SGMS1: variants seen among roughly 807,000 people sequenced by gnomAD.
SGMS1 encodes the protein sphingomyelin synthase 1.
Under a neutral mutation model 46.2 loss-of-function variants are expected in SGMS1, and 13 were observed. The observed-to-expected ratio is 0.28, with a 90% CI of 0.18 to 0.45. The LOEUF is 0.45. Among genes scored for constraint, SGMS1 ranks in the 20% least tolerant of loss-of-function variants. The pLI is 1.00. For missense variants in SGMS1, 324 were observed against 519.9 expected (o/e 0.62, Z 3.66); for synonymous variants, 203 against 187.8 (o/e 1.08, Z -0.66).
chr10:50,334,887 T>C (rs1436214), intron 7 of SGMS1: 34,605 of 152,158 alleles, frequency 0.23, 4,682 homozygotes, highest in East Asian at 0.63. Context: ...GAGGTTAGAA[T>C]TGGGGGCTAA....
chr10:50,562,772 C>T (rs1326182015), intron 2 of SGMS1, among the ~76,000 whole-genome samples: 1 of 152,138 alleles, frequency 6.6e-6, no homozygotes, highest in Non-Finnish European at 1.5e-5. Flanking sequence ...TCTTGATCTC[C>T]TGACCTCGTG....
intron 2 of SGMS1, among the ~76,000 whole-genome samples, chr10:50,583,667 C>T (rs916791335): frequency 3.9e-5 from 6 of 152,208 alleles, no homozygotes; most frequent in Non-Finnish European, 7.3e-5. Context: ...AGTCTAGCCC[C>T]TCCTGAAGGC....
intron 6 of SGMS1, among the ~76,000 whole-genome samples, chr10:50,378,619 T>C (rs1161206772): frequency 1.3e-5 from 2 of 152,168 alleles, no homozygotes; most frequent in African/African-American, 4.8e-5. Flanking sequence ...CCCAAACTCA[T>C]ATATATATAG....
rs191581475 is a variant in SGMS1 at position 50,466,447 on chromosome 10, C to A, written c.-455+443G>T. Among the ~76,000 whole-genome samples, 143 of 152,250 alleles carry A rather than the reference C, an allele frequency of 9.4e-4. 1 individual carries two copies. Among genetic ancestry groups the A allele is most frequent in the African/African-American group, 3.4e-3 (140 of 41,560 alleles). Reference sequence around the variant, plus strand: ...AGAATGAAAACAGCAACTGTCCTAACATTATGCAAATGATTACTTGTGGCT... The same window carrying A: ...AGAATGAAAACAGCAACTGTCCTAAAATTATGCAAATGATTACTTGTGGCT... On this transcript the variant is annotated intron_variant, in intron 4 of 10. Coordinates refer to ENST00000361781, the MANE Select transcript of SGMS1 (RefSeq NM_147156.4).
rs542383178 is a variant in SGMS1 at position 50,458,522 on chromosome 10, AT to A, written c.-313+2150del. Among the ~76,000 whole-genome samples the A allele has an allele frequency of 6.1e-3, 896 of 146,936 alleles. 10 individuals carry two copies. The highest frequency in any genetic ancestry group is 0.021 in the African/African-American group (846 of 40,084). On this transcript the variant is annotated intron_variant, in intron 5 of 10. Coordinates refer to ENST00000361781, the MANE Select transcript of SGMS1 (RefSeq NM_147156.4). ...AGGCGCCTGCCACCATGACCGGCTA[AT>A]TTTTTTTTTGTATTTTTAGTAGAGA...
intron 2 of SGMS1, among the ~76,000 whole-genome samples, chr10:50,561,589 G>T (rs911480249): frequency 6.6e-6 from 1 of 152,126 alleles, no homozygotes; most frequent in African/African-American, 2.4e-5. Flanking sequence ...TATAAATACT[G>T]AAAGATTTAA....
At chr10:50,405,917 C>CT (rs1849008082) in intron 6 of SGMS1, among the ~76,000 whole-genome samples, 1 of 152,114 alleles carries the variant, frequency 6.6e-6, no homozygotes, top group African/African-American at 2.4e-5. Flanking sequence ...CAAAAGTCCC[C>CT]TAGTGATGTC....
At chr10:50,356,622 T>G (rs912767807) in intron 6 of SGMS1, among the ~76,000 whole-genome samples, 1 of 151,504 alleles carries the variant, frequency 6.6e-6, no homozygotes, top group Non-Finnish European at 1.5e-5. Flanking sequence ...TAAAGCTGTT[T>G]TAAAAATTAT....
At chr10:50,350,308 G>A (rs1847986327) in intron 6 of SGMS1, among the ~76,000 whole-genome samples, 1 of 152,170 alleles carries the variant, frequency 6.6e-6, no homozygotes, top group African/African-American at 2.4e-5. Context: ...TGCTGTTAAA[G>A]GCATTCAGTT....
intron 6 of SGMS1, among the ~76,000 whole-genome samples, chr10:50,411,957 T>C (rs533534558): frequency 6.6e-6 from 1 of 152,332 alleles, no homozygotes; most frequent in Admixed American, 6.5e-5. Context: ...CAGGGCTTAG[T>C]CTATGTTAGT....
At chr10:50,498,236 C>T (rs1327710120) in intron 3 of SGMS1, among the ~76,000 whole-genome samples, 1 of 152,172 alleles carries the variant, frequency 6.6e-6, no homozygotes, top group Admixed American at 6.5e-5. Flanking sequence ...GATAAAATCT[C>T]TTTTATCATT....
At chr10:50,434,438 T>G (rs1849447118) in intron 5 of SGMS1, among the ~76,000 whole-genome samples, 1 of 152,148 alleles carries the variant, frequency 6.6e-6, no homozygotes, top group Non-Finnish European at 1.5e-5. Context: ...AATTCTGAGA[T>G]GAGATTAATA....
intron 3 of SGMS1, among the ~76,000 whole-genome samples, chr10:50,508,656 C>A (rs1054565623): frequency 4.6e-5 from 7 of 152,110 alleles, no homozygotes; most frequent in Admixed American, 6.6e-5. Context: ...TTGGAAAGAA[C>A]CTCTTTGGGG....
chr10:50,432,443 T>G (rs754175488), intron 6 of SGMS1, among the ~76,000 whole-genome samples: 4 of 152,178 alleles, frequency 2.6e-5, no homozygotes, highest in Non-Finnish European at 5.9e-5. Flanking sequence ...CAGTGACTTT[T>G]GCTGGTAGTT....
At chr10:50,429,732 CACACACACAT>C (rs146843583) in intron 6 of SGMS1, among the ~76,000 whole-genome samples, 14,926 of 38,116 alleles carry the variant, frequency 0.39, 1,441 homozygotes, top group East Asian at 0.49. Context: ...CACACACACA[CACACACACAT>C]ACTCTTTTCT....
chr10:50,524,271 T>TA (rs1837880685), intron 2 of SGMS1, among the ~76,000 whole-genome samples: 1 of 152,176 alleles, frequency 6.6e-6, no homozygotes, highest in African/African-American at 2.4e-5. Context: ...TCCAGCACCC[T>TA]AATGAGGTAC....
intron 6 of SGMS1, among the ~76,000 whole-genome samples, chr10:50,413,820 C>G (rs923775498): frequency 6.6e-6 from 1 of 152,204 alleles, no homozygotes; most frequent in African/African-American, 2.4e-5. Context: ...CTCCTAAAAC[C>G]TAGTTTAGTG....
intron 5 of SGMS1, among the ~76,000 whole-genome samples, chr10:50,441,680 A>G (rs1474103724): frequency 6.6e-6 from 1 of 152,258 alleles, no homozygotes; most frequent in Non-Finnish European, 1.5e-5. Context: ...TACCACGTAT[A>G]ACCAGAAAAC....
At chr10:50,349,893 G>C (rs570893005) in intron 6 of SGMS1, among the ~76,000 whole-genome samples, 2 of 152,246 alleles carry the variant, frequency 1.3e-5, no homozygotes, top group East Asian at 3.9e-4. Flanking sequence ...AACTAATACA[G>C]TACATTGGTA....
Sources: gnomAD v4.1 joint callset for allele counts (sites outside exome capture counted in the v4.1 genomes callset) on GRCh38, gnomAD v4.1.1 for gene constraint, MANE v1.5 for transcripts, NCBI Gene and HGNC (gene_info 2026-07-23, HGNC 2026-07-21) for gene names.